The following DBN1 variants were observed in gnomAD, a reference collection of about 807,000 sequenced individuals.
DBN1 encodes the protein drebrin 1.
DBN1 carries 21 observed loss-of-function variants against 83.5 expected under a neutral mutation model. The observed-to-expected ratio is 0.25, with a 90% CI of 0.18 to 0.36. DBN1 has a LOEUF of 0.36. DBN1 is among the 10% of genes least tolerant of loss of function. The pLI is 1.00. For missense variants in DBN1, 874 were observed against 935.7 expected (o/e 0.93, Z 0.86); for synonymous variants, 381 against 384.9 (o/e 0.99, Z 0.12).
chr5:177,465,220 A>G (rs112457838), intron 8 of DBN1, among the ~76,000 whole-genome samples: 106 of 152,376 alleles, frequency 7.0e-4, no homozygotes, highest in Non-Finnish European at 1.4e-3. Flanking sequence ...AATGTGGTAT[A>G]TCCATACAAT....
intron 1 of DBN1, 44 bp from the exon 2 acceptor site, chr5:177,468,943 C>T (rs1300241738): frequency 7.9e-7 from 1 of 1,268,508 alleles, no homozygotes; most frequent in Non-Finnish European, 1.0e-6. Flanking sequence ...AGGGCCCAGG[C>T]CGCCAATTCT....
At position 177,466,772 on chromosome 5, in the gene DBN1, A is replaced by C; in HGVS notation, c.771T>G (p.Phe257Leu). ...AKRRLKEQSI[F>L]GDHRDEEEET... is the part of the protein sequence containing the mutation. ...CCGGGAGCCTTGGCAAAGAACTTACAAAGATAGACTGCTCCTTCAACCGCC... is the reference window on the plus strand; with the variant it reads ...CCGGGAGCCTTGGCAAAGAACTTACCAAGATAGACTGCTCCTTCAACCGCC... Residue 257 changes from phenylalanine (F) to leucine (L), a missense_variant and splice_region_variant, in exon 8 of 15, where the codon TTT becomes TTG. Physicochemically the swap from Phe to Leu is conservative, Grantham distance 22 (BLOSUM62 0). Coordinates refer to ENST00000393565, the MANE Select transcript of DBN1 (RefSeq NM_001363541.2). The surrounding 1 kb of genome is among the most constrained non-coding windows in gnomAD (Gnocchi z 4.8). The C allele has an allele frequency of 6.2e-7, 1 of 1,614,138 alleles. No individual in the cohort carries two copies. The highest frequency in any genetic ancestry group is 1.1e-5 in the South Asian group (1 of 91,086).
At chr5:177,461,381 A>C (rs1225925821) in intron 8 of DBN1, among the ~76,000 whole-genome samples, 5 of 151,324 alleles carry the variant, frequency 3.3e-5, no homozygotes, top group Non-Finnish European at 5.9e-5. Flanking sequence ...TACAGGCGTG[A>C]GCCACCGCGC....
At chr5:177,468,795 CAGG>C (rs1757645141) in intron 2 of DBN1, 46 bp downstream of exon 2, 10 of 1,269,132 alleles carry the variant, frequency 7.9e-6, no homozygotes, top group South Asian at 3.1e-5. Context: ...AGAAAACAAC[CAGG>C]AGGAGGGGGT....
chr5:177,462,033 G>A (rs973432080), intron 8 of DBN1, among the ~76,000 whole-genome samples: 5 of 152,144 alleles, frequency 3.3e-5, no homozygotes, highest in Non-Finnish European at 5.9e-5. Flanking sequence ...GGGCCTCGCC[G>A]CAGCCCCCTT....
At chr5:177,465,047 G>A (rs1297024218) in intron 8 of DBN1, among the ~76,000 whole-genome samples, 1 of 152,092 alleles carries the variant, frequency 6.6e-6, no homozygotes, top group Non-Finnish European at 1.5e-5. Flanking sequence ...CCAGCTACTT[G>A]GAGGCTGAGG....
At position 177,459,795 on chromosome 5, in the gene DBN1, C is replaced by T. The variant is rs1036289374; in HGVS notation, c.956-55G>A. 300 of 1,408,804 alleles carry T rather than the reference C, an allele frequency of 2.1e-4. 1 individual carries two copies. The highest frequency in any genetic ancestry group is 1.9e-4 in the Middle Eastern group (1 of 5,192). 87.3% of individuals were successfully genotyped at this position (1,408,804 alleles called of 1,614,324 possible). The stretch of plus-strand genomic sequence containing the variant: ...CAGAGGACAAGAGAGGGTCAGTCTC[C>T]CCCACCCCTGCCCGAGGCCTCTCCC... On this transcript the variant is annotated intron_variant, in intron 10 of 14. Transcript: ENST00000393565.
chr5:177,467,427 A>C lies in DBN1; in HGVS notation c.477+54T>G. 2.5e-6 allele frequency: 4 copies of C among 1,611,486 alleles called. No individual in the cohort carries two copies. The highest frequency in any genetic ancestry group is 3.4e-6 in the Non-Finnish European group (4 of 1,178,142). The stretch of plus-strand genomic sequence containing the variant: ...AGCTAAGAGGGACCGGGCAGGCCAG[A>C]CTCGGGCACCAGGCCACGCAGGCAG... On this transcript the variant is annotated intron_variant, in intron 5 of 14. Transcript: ENST00000393565. The surrounding 1 kb of genome is among the most constrained non-coding windows in gnomAD (Gnocchi z 9.1).
Position 177,466,903 on chromosome 5 carries a change from A to G in DBN1, c.707+8T>C. On this transcript the variant is annotated splice_region_variant and intron_variant, in intron 7 of 14. Coordinates refer to ENST00000393565, the MANE Select transcript of DBN1 (RefSeq NM_001363541.2). This position sits in a 1 kb window ranked among gnomAD's most constrained non-coding sequence, Gnocchi z 4.8. ...GGCCCCTGGAGCGCTCCGGGCGGGC[A>G]GGCTCACCTGTGCTCCTCGATCTGC... 7 of 1,613,126 alleles carry G rather than the reference A, an allele frequency of 4.3e-6. No individual in the cohort carries two copies. The highest frequency in any genetic ancestry group is 3.3e-5 in the South Asian group (3 of 91,060).
At chr5:177,457,789 C>T in intron 13 of DBN1, 32 bp from the exon 14 acceptor site, 2 of 1,438,076 alleles carry the variant, frequency 1.4e-6, no homozygotes, top group African/African-American at 2.8e-5. Context: ...CACTTGGCCC[C>T]ACCCAGCAGG....
intron 8 of DBN1, among the ~76,000 whole-genome samples, chr5:177,463,099 A>T (rs952305104): frequency 5.9e-5 from 9 of 151,690 alleles, no homozygotes; most frequent in African/African-American, 1.7e-4. Flanking sequence ...TGCAGTGGCG[A>T]GATCTCGGCT....
intron 1 of DBN1, among the ~76,000 whole-genome samples, chr5:177,471,935 G>T (rs1173719333): frequency 6.6e-6 from 1 of 152,004 alleles, no homozygotes; most frequent in Non-Finnish European, 1.5e-5. Context: ...GGCAAAGGAG[G>T]TGTTCTGGGG....
At chr5:177,458,972 TC>T in intron 12 of DBN1, 125 bp downstream of exon 12, 1 of 1,475,606 alleles carries the variant, frequency 6.8e-7, no homozygotes. Flanking sequence ...CACAGCCGCC[TC>T]CAGGGCAGTG....
intron 8 of DBN1, among the ~76,000 whole-genome samples, chr5:177,463,477 C>A (rs1757192420): frequency 6.6e-6 from 1 of 152,308 alleles, no homozygotes; most frequent in Non-Finnish European, 1.5e-5. Flanking sequence ...CACGGGAGCT[C>A]CCCTGCAGGC....
At chr5:177,469,270 C>T (rs1036547078) in intron 1 of DBN1, among the ~76,000 whole-genome samples, 12 of 152,064 alleles carry the variant, frequency 7.9e-5, no homozygotes, top group Non-Finnish European at 1.5e-4. Context: ...CCCCCATTGG[C>T]TAGTGCCAGG....
At chr5:177,472,384 G>C in intron 1 of DBN1, 1 of 1,462,706 alleles carries the variant, frequency 6.8e-7, no homozygotes, top group East Asian at 2.7e-5. Flanking sequence ...CTAGGAACCA[G>C]ATGGGCACCT....
chr5:177,463,579 G>A (rs1757198920), intron 8 of DBN1, among the ~76,000 whole-genome samples: 1 of 152,226 alleles, frequency 6.6e-6, no homozygotes, highest in African/African-American at 2.4e-5. Context: ...ATTTCACAGT[G>A]CTAAATCCCA....
intron 1 of DBN1, chr5:177,472,686 G>T: frequency 1.5e-6 from 1 of 657,572 alleles, no homozygotes; most frequent in Non-Finnish European, 1.9e-6. Context: ...TCCTCCCAGG[G>T]ATCTCAGCTG....
intron 11 of DBN1, 139 bp downstream of exon 11, chr5:177,459,464 A>C: frequency 7.6e-7 from 1 of 1,309,374 alleles, no homozygotes; most frequent in Non-Finnish European, 1.0e-6. Flanking sequence ...CCATAAGGCC[A>C]GGGGCAAGAG....
Sources: allele counts gnomAD v4.1 joint callset (sites outside exome capture counted in the v4.1 genomes callset), GRCh38; gene constraint gnomAD v4.1.1; non-coding constraint Gnocchi (gnomAD v3.1); transcripts MANE v1.5; gene names NCBI Gene and HGNC (gene_info 2026-07-23, HGNC 2026-07-21).